The following BLTP3A variants were observed in gnomAD, a reference collection of about 807,000 sequenced individuals.
The protein encoded by BLTP3A is bridge-like lipid transfer protein family member 3A, also known as ICBP90 binding protein 1.
chr6:34,840,859 G>T, the BLTP3A span, among the ~76,000 whole-genome samples: 1 of 151,962 alleles, frequency 6.6e-6, no homozygotes, highest in Non-Finnish European at 1.5e-5. Context: ...CTTGTGATCC[G>T]CCTTGGCCTC....
At chr6:34,811,612 G>A in the BLTP3A span, among the ~76,000 whole-genome samples, 50 of 152,112 alleles carry the variant, frequency 3.3e-4, no homozygotes, top group Non-Finnish European at 6.9e-4. Flanking sequence ...CACTTTGGGA[G>A]GCTGAGGTGG....
At chr6:34,829,341 CTGTG>C in the BLTP3A span, among the ~76,000 whole-genome samples, 1 of 152,196 alleles carries the variant, frequency 6.6e-6, no homozygotes, top group Non-Finnish European at 1.5e-5. Context: ...AAATCATACA[CTGTG>C]TGGTCTTTTG....
chr6:34,846,130 CTCCT>C, the BLTP3A span, among the ~76,000 whole-genome samples: 1 of 124,320 alleles, frequency 8.0e-6, no homozygotes, highest in Admixed American at 8.6e-5. Context: ...CTTCCCTTCC[CTCCT>C]TCCTTCTTTC....
the BLTP3A span, among the ~76,000 whole-genome samples, chr6:34,847,536 G>A: frequency 6.6e-6 from 1 of 151,808 alleles, no homozygotes; most frequent in African/African-American, 2.4e-5. Context: ...ATCTTAGTAG[G>A]CTGTATATAG....
the BLTP3A span, chr6:34,836,269 T>C: frequency 1.2e-6 from 2 of 1,614,166 alleles, no homozygotes; most frequent in Non-Finnish European, 1.7e-6. Context: ...AGAAATTTGA[T>C]GTGAAAGAGT....
At chr6:34,799,140 C>T in the BLTP3A span, among the ~76,000 whole-genome samples, 1 of 152,030 alleles carries the variant, frequency 6.6e-6, no homozygotes, top group Non-Finnish European at 1.5e-5. Context: ...CAGGGTTTCA[C>T]CATGTTGGCC....
chr6:34,811,777 T>G, the BLTP3A span, among the ~76,000 whole-genome samples: 2 of 151,124 alleles, frequency 1.3e-5, no homozygotes, highest in African/African-American at 4.9e-5. Context: ...GACAATCGCT[T>G]GAACCCAGGA....
At chr6:34,850,369 T>C in the BLTP3A span, among the ~76,000 whole-genome samples, 6 of 152,164 alleles carry the variant, frequency 3.9e-5, no homozygotes, top group Non-Finnish European at 8.8e-5. Flanking sequence ...TATTCTATAA[T>C]CTTCTTGTAC....
the BLTP3A span, chr6:34,834,687 C>G: frequency 3.1e-6 from 5 of 1,598,462 alleles, no homozygotes; most frequent in Non-Finnish European, 1.7e-6. Context: ...ATTTCATTCA[C>G]AGGATTAAGG....
the BLTP3A span, among the ~76,000 whole-genome samples, chr6:34,805,870 TC>T: frequency 1.3e-5 from 2 of 152,124 alleles, no homozygotes; most frequent in African/African-American, 4.8e-5. Context: ...TTTCCATTTT[TC>T]CTGGATATTA....
the BLTP3A span, among the ~76,000 whole-genome samples, chr6:34,840,289 C>T: frequency 1.3e-5 from 2 of 151,552 alleles, no homozygotes; most frequent in South Asian, 2.1e-4. Context: ...TGGTGGCTCA[C>T]GCGTGTAATC....
the BLTP3A span, among the ~76,000 whole-genome samples, chr6:34,813,945 G>A: frequency 2.4e-3 from 362 of 151,894 alleles, 2 homozygotes; most frequent in Middle Eastern, 6.8e-3. Flanking sequence ...CCTTGGCTGA[G>A]CAAACCTCCC....
the BLTP3A span, chr6:34,834,607 T>A: frequency 7.0e-7 from 1 of 1,436,882 alleles, no homozygotes; most frequent in Non-Finnish European, 9.4e-7. Context: ...CTTGGTGGGA[T>A]CCCAACTGAG....
At chr6:34,848,223 G>A in the BLTP3A span, among the ~76,000 whole-genome samples, 1 of 151,174 alleles carries the variant, frequency 6.6e-6, no homozygotes, top group Non-Finnish European at 1.5e-5. Flanking sequence ...GATAGAGGCT[G>A]CAGTGAGCTG....
chr6:34,802,891 A>C, the BLTP3A span, among the ~76,000 whole-genome samples: 1 of 152,150 alleles, frequency 6.6e-6, no homozygotes, highest in African/African-American at 2.4e-5. Flanking sequence ...AAATCACTTG[A>C]GAGGCTGGGC....
chr6:34,803,737 G>A, the BLTP3A span, among the ~76,000 whole-genome samples: 5 of 152,114 alleles, frequency 3.3e-5, no homozygotes, highest in Non-Finnish European at 7.3e-5. Flanking sequence ...CAGGACATGG[G>A]TGTGGGGAGC....
chr6:34,840,219 G>T, the BLTP3A span, among the ~76,000 whole-genome samples: 2 of 152,088 alleles, frequency 1.3e-5, no homozygotes, highest in Non-Finnish European at 2.9e-5. Context: ...TTTTCATGTT[G>T]ATTCCATGTT....
the BLTP3A span, among the ~76,000 whole-genome samples, chr6:34,814,808 G>A: frequency 6.6e-6 from 1 of 152,214 alleles, no homozygotes; most frequent in Non-Finnish European, 1.5e-5. Flanking sequence ...TAACAAAAAA[G>A]TTTAGATGTA....
chr6:34,842,766 G>T, the BLTP3A span, among the ~76,000 whole-genome samples: 712 of 152,260 alleles, frequency 4.7e-3, 3 homozygotes, highest in Middle Eastern at 0.017. Context: ...CACAAAATGT[G>T]TGGAAGATCA....
Sources: allele counts gnomAD v4.1 joint callset (sites outside exome capture counted in the v4.1 genomes callset), GRCh38; gene constraint gnomAD v4.1.1; transcripts MANE v1.5; gene names NCBI Gene and HGNC (gene_info 2026-07-23, HGNC 2026-07-21).